LINGO2: variants seen among roughly 807,000 people sequenced by gnomAD.
LINGO2 encodes leucine rich repeat and Ig domain containing 2.
A neutral mutation model predicts 30.6 loss-of-function variants in LINGO2; 14 were observed. That is an observed-to-expected ratio of 0.46 (90% CI 0.30 to 0.72). LINGO2 has a LOEUF of 0.72. LINGO2 is among the 30% of genes least tolerant of loss of function. The probability of loss-of-function intolerance (pLI) is 0.07; values close to 1 mark genes in which losing one functional copy is unlikely to be tolerated. For synonymous variants in LINGO2, 317 were observed against 288.5 expected, an observed-to-expected ratio of 1.10 and a Z score of -1.00; for missense variants, 729 against 751.7, an observed-to-expected ratio of 0.97 and a Z score of 0.35.
chr9:28,831,008 T>A, the LINGO2 span, among the ~76,000 whole-genome samples: 955 of 152,342 alleles, frequency 6.3e-3, 7 homozygotes, highest in South Asian at 0.018. Flanking sequence ...GGAGCTTTTA[T>A]CAGTAAAGGA....
At chr9:28,138,118 CT>C (rs754542320) in intron 4 of LINGO2, among the ~76,000 whole-genome samples, 2 of 152,152 alleles carry the variant, frequency 1.3e-5, no homozygotes, top group African/African-American at 2.4e-5. Flanking sequence ...TCAAGATCAC[CT>C]TGACACTTAA....
chr9:28,841,805 T>G, the LINGO2 span, among the ~76,000 whole-genome samples: 1 of 151,688 alleles, frequency 6.6e-6, no homozygotes, highest in East Asian at 1.9e-4. Flanking sequence ...TGACAAGGTA[T>G]AGCCACTCAA....
the LINGO2 span, among the ~76,000 whole-genome samples, chr9:28,839,862 G>T: frequency 6.6e-6 from 1 of 152,248 alleles, no homozygotes; most frequent in East Asian, 1.9e-4. Flanking sequence ...ATGGTGCCCT[G>T]GCTGTTAATG....
At chr9:28,776,968 T>C in the LINGO2 span, among the ~76,000 whole-genome samples, 13 of 152,148 alleles carry the variant, frequency 8.5e-5, no homozygotes, top group South Asian at 2.5e-3. Context: ...ATTTCCCCCT[T>C]GCTGTTCTCA....
At chr9:28,331,994 A>G (rs1825437615) in intron 3 of LINGO2, among the ~76,000 whole-genome samples, 1 of 152,168 alleles carries the variant, frequency 6.6e-6, no homozygotes, top group Admixed American at 6.5e-5. Flanking sequence ...ATTTGTAGAT[A>G]ATAAAGTTCT....
intron 4 of LINGO2, among the ~76,000 whole-genome samples, chr9:28,216,379 G>A (rs1309685460): frequency 6.6e-6 from 1 of 151,876 alleles, no homozygotes; most frequent in Non-Finnish European, 1.5e-5. Context: ...GATTCTGGGA[G>A]GAGTGGTTGT....
intron 4 of LINGO2, among the ~76,000 whole-genome samples, chr9:28,223,814 T>C (rs973804115): frequency 1.3e-5 from 2 of 152,174 alleles, no homozygotes; most frequent in Non-Finnish European, 2.9e-5. Flanking sequence ...GGCCATGCTT[T>C]TTAAAAATTT....
chr9:29,011,055 T>C, the LINGO2 span, among the ~76,000 whole-genome samples: 783 of 152,290 alleles, frequency 5.1e-3, 10 homozygotes, highest in African/African-American at 0.018. Context: ...TTTATCCTCA[T>C]AGTGCTCACA....
the LINGO2 span, among the ~76,000 whole-genome samples, chr9:28,702,719 C>A: frequency 6.6e-6 from 1 of 151,834 alleles, no homozygotes; most frequent in African/African-American, 2.4e-5. Context: ...TGTAATAATT[C>A]TTCAATAAAT....
At chr9:27,948,921 C>A in exon 6 of LINGO2, 3 of 1,613,926 alleles carry the variant, frequency 1.9e-6, no homozygotes, top group Non-Finnish European at 2.5e-6. Context: ...ATTGTTTTTT[C>A]TGGGCACATA....
chr9:28,923,626 G>A, the LINGO2 span, among the ~76,000 whole-genome samples: 1 of 74,734 alleles, frequency 1.3e-5, no homozygotes, highest in Non-Finnish European at 3.3e-5. Context: ...AACAGGATGG[G>A]AATAGGCCAC....
chr9:28,474,742 A>C (rs1825661391), intron 2 of LINGO2, among the ~76,000 whole-genome samples: 1 of 152,178 alleles, frequency 6.6e-6, no homozygotes, highest in Non-Finnish European at 1.5e-5. Flanking sequence ...TTTCACTTGC[A>C]TCACATGAGT....
At chr9:28,913,051 T>C in the LINGO2 span, among the ~76,000 whole-genome samples, 1 of 152,114 alleles carries the variant, frequency 6.6e-6, no homozygotes, top group Admixed American at 6.6e-5. Context: ...TATTTTGAGG[T>C]ATTTCCTCTG....
At chr9:28,942,868 ATGTT>A in the LINGO2 span, among the ~76,000 whole-genome samples, 1 of 152,150 alleles carries the variant, frequency 6.6e-6, no homozygotes, top group South Asian at 2.1e-4. Flanking sequence ...TGCTAAATAA[ATGTT>A]TGTTGAGTTG....
intron 1 of LINGO2, among the ~76,000 whole-genome samples, chr9:28,486,041 C>T (rs558103604): frequency 1.3e-5 from 2 of 151,962 alleles, no homozygotes; most frequent in Admixed American, 6.6e-5. Context: ...GAATGACTAA[C>T]TTTTTGGTAG....
intron 4 of LINGO2, among the ~76,000 whole-genome samples, chr9:28,138,257 T>C (rs1458056945): frequency 1.3e-5 from 2 of 152,332 alleles, no homozygotes; most frequent in East Asian, 3.9e-4. Context: ...CCTAAAACAC[T>C]GTTCAGTAAT....
At chr9:28,430,412 G>T (rs1328355119) in intron 2 of LINGO2, among the ~76,000 whole-genome samples, 1 of 152,104 alleles carries the variant, frequency 6.6e-6, no homozygotes, top group Non-Finnish European at 1.5e-5. Context: ...GCATGACAAA[G>T]TACTTATAAT....
At chr9:29,010,398 C>G in the LINGO2 span, among the ~76,000 whole-genome samples, 2 of 152,118 alleles carry the variant, frequency 1.3e-5, no homozygotes, top group Non-Finnish European at 2.9e-5. Flanking sequence ...GCCCTGAGTA[C>G]TCCAGCATTC....
chr9:28,523,994 A>G (rs1461839058), intron 1 of LINGO2, among the ~76,000 whole-genome samples: 1 of 152,108 alleles, frequency 6.6e-6, no homozygotes, highest in Non-Finnish European at 1.5e-5. Context: ...AATAAAAGAT[A>G]AAAATCAGTG....
Sources: allele counts gnomAD v4.1 joint callset (sites outside exome capture counted in the v4.1 genomes callset), GRCh38; gene constraint gnomAD v4.1.1; transcripts MANE v1.5; gene names NCBI Gene and HGNC (gene_info 2026-07-23, HGNC 2026-07-21).